The following SLC4A7 variants were observed in gnomAD, a reference collection of about 807,000 sequenced individuals.
The protein encoded by SLC4A7 is solute carrier family 4 member 7, also known as sodium bicarbonate cotransporter 3.
Under a neutral mutation model 137.6 loss-of-function variants are expected in SLC4A7, and 51 were observed. The observed-to-expected ratio is 0.37, with a 90% CI of 0.30 to 0.47. The LOEUF (loss-of-function observed/expected upper bound fraction) is 0.47, where lower values mean the gene tolerates loss of function less well. Ranked by LOEUF, SLC4A7 falls within the 20% of genes least tolerant of loss-of-function variation. SLC4A7 has a pLI of 1.00. For synonymous variants in SLC4A7, 542 were observed against 518.6 expected, an observed-to-expected ratio of 1.05 and a Z score of -0.61; for missense variants, 1,247 against 1,525.4, an observed-to-expected ratio of 0.82 and a Z score of 3.04.
At chr3:27,426,403 G>A (rs2055625853) in intron 7 of SLC4A7, among the ~76,000 whole-genome samples, 1 of 152,172 alleles carries the variant, frequency 6.6e-6, no homozygotes, top group African/African-American at 2.4e-5. Context: ...GTGTTTTTCA[G>A]TGACTTCCAA....
chr3:27,484,150 G>A lies in SLC4A7; in HGVS notation c.-24C>T. On this transcript the variant is annotated 5_prime_UTR_variant, in exon 1 of 26. Transcript: ENST00000454389. The stretch of plus-strand genomic sequence containing the variant: ...ATGGCCGGCCGGCCAGCCCGTGACG[G>A]CCGCTACGGTACTGCCCCGCGCGGT... 1 of 1,355,942 alleles carries A rather than the reference G, an allele frequency of 7.4e-7. No individual in the cohort carries two copies. Among genetic ancestry groups the A allele is most frequent in the Middle Eastern group, 2.1e-4 (1 of 4,838 alleles). 84.0% of individuals were successfully genotyped at this position (1,355,942 alleles called of 1,614,324 possible).
At position 27,484,210 on chromosome 3, in the gene SLC4A7, C is replaced by G. The variant is rs1318451918; in HGVS notation, c.-84G>C. 4.4e-6 allele frequency: 5 copies of G among 1,123,826 alleles called. No homozygotes were observed. Among genetic ancestry groups the G allele is most frequent in the Middle Eastern group, 2.9e-4 (1 of 3,434 alleles). 69.6% of individuals were successfully genotyped at this position (1,123,826 alleles called of 1,614,324 possible). A position where few individuals can be genotyped will look rare whatever the true frequency, so the allele number is the denominator to read the frequency against. On this transcript the variant is annotated 5_prime_UTR_variant, in exon 1 of 26. Coordinates refer to ENST00000454389, the MANE Select transcript of SLC4A7 (RefSeq NM_001321103.2). ...TCTGCCGCTGCCCCTGCCGCCGCCG[C>G]CGAGCCCCCGGCGCGCGAGGACAAA... is the stretch of plus-strand genomic sequence containing the variant.
intron 1 of SLC4A7, among the ~76,000 whole-genome samples, chr3:27,480,315 C>G (rs2150757225): frequency 6.6e-6 from 1 of 152,250 alleles, no homozygotes; most frequent in East Asian, 1.9e-4. Context: ...CTCACTGCAG[C>G]CTCAACCTCC....
chr3:27,482,827 T>G (rs938309342), intron 1 of SLC4A7, among the ~76,000 whole-genome samples: 1 of 152,194 alleles, frequency 6.6e-6, no homozygotes, highest in Non-Finnish European at 1.5e-5. Context: ...AGTATTCCAT[T>G]ACCATCACTG....
chr3:27,400,888 A>G lies in SLC4A7; in HGVS notation c.2322-19T>C. 7.5e-7 allele frequency: 1 copy of G among 1,340,336 alleles called. No individual in the cohort carries two copies. Among genetic ancestry groups the G allele is most frequent in the Non-Finnish European group, 1.1e-6 (1 of 940,950 alleles). 83.0% of individuals were successfully genotyped at this position (1,340,336 alleles called of 1,614,324 possible). A position where few individuals can be genotyped will look rare whatever the true frequency, so the allele number is the denominator to read the frequency against. On this transcript the variant is annotated intron_variant, in intron 15 of 25. Coordinates refer to ENST00000454389, the MANE Select transcript of SLC4A7 (RefSeq NM_001321103.2). Reference sequence around the variant, plus strand: ...TACACATCTGAGAAATTAGAGTAGGATACATTTTTAAGGATCCTGAATTTC... The same window carrying G: ...TACACATCTGAGAAATTAGAGTAGGGTACATTTTTAAGGATCCTGAATTTC...
At chr3:27,483,264 A>G (rs1174297793) in intron 1 of SLC4A7, among the ~76,000 whole-genome samples, 3 of 152,262 alleles carry the variant, frequency 2.0e-5, no homozygotes, top group Non-Finnish European at 4.4e-5. Context: ...ACAAATGGGA[A>G]CACCGGCCTT....
intron 11 of SLC4A7, among the ~76,000 whole-genome samples, chr3:27,414,470 T>C (rs1158143374): frequency 6.6e-6 from 1 of 152,204 alleles, no homozygotes; most frequent in Admixed American, 6.5e-5. Flanking sequence ...TTATATCCTA[T>C]ATTTTCACAA....
At chr3:27,401,006 A>G in intron 15 of SLC4A7, 137 bp from the exon 16 acceptor site, 1 of 519,086 alleles carries the variant, frequency 1.9e-6, no homozygotes, top group Non-Finnish European at 3.4e-6. Context: ...GAAAGTGGAA[A>G]ATACATCAGA....
intron 19 of SLC4A7, 82 bp from the exon 20 acceptor site, chr3:27,394,851 AAG>A: frequency 6.5e-7 from 1 of 1,548,140 alleles, no homozygotes; most frequent in Admixed American, 2.0e-5. Flanking sequence ...ATAAAGAGGG[AAG>A]AAGCTAATTT....
At position 27,383,227 on chromosome 3, in the gene SLC4A7, A is replaced by G. The variant is rs1472256; in HGVS notation, c.3516T>C (p.Asp1172=). ...ATGGAAGGTGCACAGTATCATCATCATCTTGAAGCATCCGTTCAGCTTCCT... is the reference window on the plus strand; with the variant it reads ...ATGGAAGGTGCACAGTATCATCATCGTCTTGAAGCATCCGTTCAGCTTCCT... ...EKEEAERMLQ[D]DDDTVHLPFE... is the part of the protein sequence containing the mutation. The change falls in exon 24 of 26, where the codon GAT becomes GAC. Residue 1172 remains aspartate, a synonymous_variant. Coordinates refer to ENST00000454389, the MANE Select transcript of SLC4A7 (RefSeq NM_001321103.2). 0.94 allele frequency: 1,511,762 copies of G among 1,611,614 alleles called. 709,600 individuals are homozygous for G. Among genetic ancestry groups the G allele is most frequent in the East Asian group, 1 (44,851 of 44,858 alleles).
At chr3:27,414,238 C>T (rs1054047253) in intron 11 of SLC4A7, among the ~76,000 whole-genome samples, 1 of 152,110 alleles carries the variant, frequency 6.6e-6, no homozygotes, top group African/African-American at 2.4e-5. Context: ...TGAGATCTTG[C>T]CATTGCACTC....
intron 18 of SLC4A7, among the ~76,000 whole-genome samples, chr3:27,396,195 C>G: frequency 6.6e-6 from 1 of 152,140 alleles, no homozygotes; most frequent in East Asian, 1.9e-4. Context: ...GTAATTCAAT[C>G]TTTCCACACT....
intron 3 of SLC4A7, among the ~76,000 whole-genome samples, chr3:27,447,112 T>G (rs1193179256): frequency 1.3e-5 from 2 of 151,210 alleles, no homozygotes; most frequent in African/African-American, 4.9e-5. Context: ...GGTCTTGAAC[T>G]CCTGACCTCG....
chr3:27,483,941 A>C, intron 1 of SLC4A7, 126 bp downstream of exon 1: 1 of 635,724 alleles, frequency 1.6e-6, no homozygotes. Flanking sequence ...GGCCGCCGGG[A>C]GGTGGAGGGG....
intron 10 of SLC4A7, among the ~76,000 whole-genome samples, chr3:27,418,838 T>C (rs1489329173): frequency 6.6e-6 from 1 of 151,934 alleles, no homozygotes; most frequent in Non-Finnish European, 1.5e-5. Flanking sequence ...TAACAAACAA[T>C]GAAAGAGAAC....
intron 1 of SLC4A7, among the ~76,000 whole-genome samples, chr3:27,474,910 C>T (rs2150727141): frequency 6.6e-6 from 1 of 152,150 alleles, no homozygotes; most frequent in East Asian, 1.9e-4. Flanking sequence ...GAGTTCGAGA[C>T]CTGCCTGGCC....
chr3:27,456,766 T>A (rs547969039), intron 1 of SLC4A7: 1 of 1,574,182 alleles, frequency 6.4e-7, no homozygotes, highest in African/African-American at 1.4e-5. Context: ...ACATATCTGA[T>A]TTAGGTCACT....
chr3:27,452,390 G>T (rs775200003), intron 2 of SLC4A7, 27 bp downstream of exon 2: 2 of 1,409,630 alleles, frequency 1.4e-6, no homozygotes, highest in Non-Finnish European at 2.0e-6. Flanking sequence ...CCTACTAAGC[G>T]AAGTAAGTTA....
intron 1 of SLC4A7, chr3:27,462,465 A>C (rs140522060): frequency 6.6e-6 from 1 of 152,402 alleles, no homozygotes; most frequent in East Asian, 1.9e-4. Context: ...CAAGTTGATC[A>C]GGAAGCAATA....
Sources: gnomAD v4.1 joint callset for allele counts (sites outside exome capture counted in the v4.1 genomes callset) on GRCh38, gnomAD v4.1.1 for gene constraint, MANE v1.5 for transcripts, NCBI Gene and HGNC (gene_info 2026-07-23, HGNC 2026-07-21) for gene names.